VPS37C: variants seen among roughly 807,000 people sequenced by gnomAD.
VPS37C encodes vacuolar protein sorting-associated protein 37C.
A neutral mutation model predicts 16.1 loss-of-function variants in VPS37C; 9 were observed. The ratio of observed to expected loss-of-function variants is 0.56; its 90% CI spans 0.34 to 0.97. The LOEUF (loss-of-function observed/expected upper bound fraction) is 0.97, where lower values mean the gene tolerates loss of function less well. VPS37C is among the 50% of genes least tolerant of loss of function. The pLI is 0.02. For synonymous variants in VPS37C, 207 were observed against 206.4 expected (o/e 1.00, Z -0.02); for missense variants, 479 against 472.7 (o/e 1.01, Z -0.12).
At chr11:61,154,469 T>A (rs1459025625) in intron 1 of VPS37C, among the ~76,000 whole-genome samples, 6 of 151,772 alleles carry the variant, frequency 4.0e-5, no homozygotes, top group African/African-American at 1.5e-4. Flanking sequence ...GATTAGACAA[T>A]GCAGAAGAGA....
In VPS37C at chr11:61,131,500, G is replaced by A. The variant is rs537728403; in HGVS notation, c.*320C>T. ...GGTTCAAATGGCCCTGAGTGCAGCCGCAAGTAGATGCTCATAAATGCGCAC... is the reference window on the plus strand; with the variant it reads ...GGTTCAAATGGCCCTGAGTGCAGCCACAAGTAGATGCTCATAAATGCGCAC... On this transcript the variant is annotated 3_prime_UTR_variant, in exon 5 of 5. Transcript: ENST00000301765. 13 of 284,892 alleles carry A rather than the reference G, an allele frequency of 4.6e-5. No homozygotes were observed. The highest frequency in any genetic ancestry group is 2.1e-4 in the Admixed American group (4 of 18,852). The allele number at this position is 284,892 out of a possible 1,614,324, so 17.6% of individuals were successfully genotyped here.
intron 1 of VPS37C, among the ~76,000 whole-genome samples, chr11:61,152,846 C>T (rs1853319598): frequency 6.6e-6 from 1 of 152,240 alleles, no homozygotes; most frequent in Admixed American, 6.5e-5. Context: ...CTGGAATACT[C>T]TTTCCTACAC....
chr11:61,141,641 G>A (rs1284561073), intron 1 of VPS37C, among the ~76,000 whole-genome samples: 1 of 152,192 alleles, frequency 6.6e-6, no homozygotes, highest in African/African-American at 2.4e-5. Flanking sequence ...TTCTTCACCT[G>A]TAAAATAAGA....
intron 1 of VPS37C, among the ~76,000 whole-genome samples, chr11:61,140,634 T>C (rs993771913): frequency 2.0e-5 from 3 of 152,194 alleles, no homozygotes; most frequent in African/African-American, 7.2e-5. Context: ...AAATCCGGAA[T>C]CCCTCCTGGA....
chr11:61,142,834 T>G (rs1401994219), intron 1 of VPS37C, among the ~76,000 whole-genome samples: 1 of 143,340 alleles, frequency 7.0e-6, no homozygotes, highest in African/African-American at 2.6e-5. Flanking sequence ...GGGGTAGCAT[T>G]GGGAGATATA....
At chr11:61,153,260 T>C (rs1291638362) in intron 1 of VPS37C, among the ~76,000 whole-genome samples, 1 of 152,212 alleles carries the variant, frequency 6.6e-6, no homozygotes, top group Non-Finnish European at 1.5e-5. Context: ...TCATGAGCTA[T>C]GATGGTTTTA....
intron 1 of VPS37C, among the ~76,000 whole-genome samples, chr11:61,158,570 A>G (rs1330743238): frequency 1.3e-5 from 2 of 152,244 alleles, no homozygotes; most frequent in African/African-American, 2.4e-5. Context: ...TAATCCTATA[A>G]TGCTGACTTT....
intron 1 of VPS37C, among the ~76,000 whole-genome samples, chr11:61,141,922 C>T (rs1861478529): frequency 6.6e-6 from 1 of 152,252 alleles, no homozygotes; most frequent in Non-Finnish European, 1.5e-5. Context: ...TCAGCACCAC[C>T]ATCTGTGAAA....
chr11:61,150,241 T>C lies in VPS37C; in HGVS notation c.-7+11150A>G, dbSNP rs186053282. ...CCCCTGATGTCCAATCACCAAGTTT[T>C]AGCTAGTCAGTGTTCCAAAGGCTCT... On this transcript the variant is annotated intron_variant, in intron 1 of 4. Transcript: ENST00000301765. Among the ~76,000 whole-genome samples, 277 of 152,304 alleles carry C rather than the reference T, an allele frequency of 1.8e-3. 3 individuals carry two copies. The highest frequency in any genetic ancestry group is 0.016 in the Admixed American group (241 of 15,300).
chr11:61,131,575 G>T lies in VPS37C; in HGVS notation c.*245C>A. On this transcript the variant is annotated 3_prime_UTR_variant, in exon 5 of 5. Coordinates refer to ENST00000301765, the MANE Select transcript of VPS37C (RefSeq NM_017966.5). ...GCGAGAGGTGCTGGACTCCAGCCTG[G>T]CTAGCACCGCTGCAGCCAGGCACTG... 2.2e-6 allele frequency: 1 copy of T among 445,244 alleles called. No homozygotes were observed. The highest frequency in any genetic ancestry group is 3.7e-6 in the Non-Finnish European group (1 of 271,546). The allele number at this position is 445,244 out of a possible 1,614,324, so 27.6% of individuals were successfully genotyped here.
chr11:61,159,998 T>C lies in VPS37C; in HGVS notation c.-7+1393A>G, dbSNP rs551782271. On this transcript the variant is annotated intron_variant, in intron 1 of 4. Coordinates refer to ENST00000301765, the MANE Select transcript of VPS37C (RefSeq NM_017966.5). Reference sequence around the variant, plus strand: ...TCTAACATCTCCGCAACTCACTTCATCTGTAAAACGGGATCATCACCTATT... The same window carrying C: ...TCTAACATCTCCGCAACTCACTTCACCTGTAAAACGGGATCATCACCTATT... 2.7e-4 allele frequency among the ~76,000 whole-genome samples: 41 copies of C among 150,576 alleles called. 1 individual carries two copies. The highest frequency in any genetic ancestry group is 2.4e-3 in the Admixed American group (37 of 15,144).
chr11:61,146,924 T>C (rs918912525), intron 1 of VPS37C, among the ~76,000 whole-genome samples: 2 of 152,160 alleles, frequency 1.3e-5, no homozygotes, highest in Non-Finnish European at 1.5e-5. Context: ...AGGCAGAGTG[T>C]GTATGGCTGG....
At chr11:61,153,858 T>C (rs933771896) in intron 1 of VPS37C, among the ~76,000 whole-genome samples, 1 of 152,172 alleles carries the variant, frequency 6.6e-6, no homozygotes, top group African/African-American at 2.4e-5. Context: ...TCTCAGCTGG[T>C]ACTGATCTAT....
chr11:61,143,909 C>T (rs1364365586), intron 1 of VPS37C: 1 of 152,026 alleles, frequency 6.6e-6, no homozygotes, highest in Non-Finnish European at 1.5e-5. Context: ...ATCCACCTGC[C>T]TCAGCCTCCC....
chr11:61,132,202 G>A lies in VPS37C; in HGVS notation c.686C>T (p.Pro229Leu). 2 of 1,502,150 alleles carry A rather than the reference G, an allele frequency of 1.3e-6. No individual in the cohort carries two copies. Among genetic ancestry groups the A allele is most frequent in the Non-Finnish European group, 8.9e-7 (1 of 1,126,048 alleles). The allele number at this position is 1,502,150 out of a possible 1,614,324, so 93.1% of individuals were successfully genotyped here. A position where few individuals can be genotyped will look rare whatever the true frequency, so the allele number is the denominator to read the frequency against. The change falls in exon 5 of 5, where the codon CCA (proline) becomes CTA (leucine). Residue 229 changes from proline (P) to leucine (L), a missense_variant. By Grantham distance (98) the Pro-to-Leu change is moderately conservative. Transcript: ENST00000301765. ...AHGALPPAPF[P>L]VVSQPSFYSG... is the part of the protein sequence containing the mutation. ...GTAGAAGGAGGGCTGGGACACTACT[G>A]GGAAAGGGGCCGGTGGCAGGGCTCC...
chr11:61,133,184 C>T, intron 4 of VPS37C, 71 bp downstream of exon 4: 1 of 1,524,752 alleles, frequency 6.6e-7, no homozygotes, highest in South Asian at 1.1e-5. Context: ...ATCTGCTTCT[C>T]CTTCCAAGGG....
At chr11:61,151,595 T>C (rs1344887310) in intron 1 of VPS37C, among the ~76,000 whole-genome samples, 1 of 152,212 alleles carries the variant, frequency 6.6e-6, no homozygotes, top group Non-Finnish European at 1.5e-5. Flanking sequence ...AAAGTCTGGC[T>C]CTCAGGCAGG....
intron 4 of VPS37C, 114 bp from the exon 5 acceptor site, chr11:61,132,653 C>T (rs1179356437): frequency 1.5e-6 from 2 of 1,355,750 alleles, no homozygotes; most frequent in Non-Finnish European, 2.0e-6. Context: ...CTCAGGCACC[C>T]CCTCCTCTTC....
chr11:61,137,257 A>G (rs193246533), intron 2 of VPS37C, among the ~76,000 whole-genome samples: 4 of 152,190 alleles, frequency 2.6e-5, no homozygotes, highest in Admixed American at 2.0e-4. Context: ...CTGTGACTCA[A>G]TGACTGTCTT....
Sources: allele counts gnomAD v4.1 joint callset (sites outside exome capture counted in the v4.1 genomes callset), GRCh38; gene constraint gnomAD v4.1.1; transcripts MANE v1.5; gene names NCBI Gene and HGNC (gene_info 2026-07-23, HGNC 2026-07-21).